The following GALM variants were observed in gnomAD, a reference collection of about 807,000 sequenced individuals.
GALM encodes galactose mutarotase.
In GALM, 43 loss-of-function variants were observed where a neutral mutation model predicts 37.4. The ratio of observed to expected loss-of-function variants is 1.15; its 90% CI spans 0.90 to 1.48. GALM has a LOEUF of 1.48. GALM is among the 40% of genes most tolerant of loss of function. GALM has a pLI of 0.00. For missense variants in GALM, 456 were observed against 419.1 expected, an observed-to-expected ratio of 1.09 and a Z score of -0.77; for synonymous variants, 199 against 170.6, an observed-to-expected ratio of 1.17 and a Z score of -1.30.
Position 38,733,586 on chromosome 2 carries a change from C to T in GALM, c.*21C>T. The T allele has an allele frequency of 2.5e-6, 4 of 1,579,634 alleles. No individual in the cohort carries two copies. Among genetic ancestry groups the T allele is most frequent in the African/African-American group, 1.3e-5 (1 of 74,306 alleles). On this transcript the variant is annotated 3_prime_UTR_variant, in exon 7 of 7. Coordinates refer to ENST00000272252, the MANE Select transcript of GALM (RefSeq NM_138801.3). ...CTTAAGGAAGTGTGAAGATATGATC[C>T]AGTCCAGGGCTAGGCTCAGCCACCT...
In GALM at chr2:38,666,340, C is replaced by T; in HGVS notation, c.179C>T (p.Ala60Val). Residue 60 changes from alanine (A) to valine (V), a missense_variant, in exon 1 of 7, where the codon GCC (alanine) becomes GTC (valine). Transcript: ENST00000272252. ...GRASDVVLGF[A>V]ELEGYLQKQP... ...GCCTCGGACGTGGTGCTTGGCTTCG[C>T]CGAGTTGGAAGGTGGGTTGAACTGT... The T allele has an allele frequency of 1.9e-6, 3 of 1,611,536 alleles. No individual in the cohort carries two copies. Among genetic ancestry groups the T allele is most frequent in the Non-Finnish European group, 2.5e-6 (3 of 1,178,660 alleles).
intron 4 of GALM, among the ~76,000 whole-genome samples, chr2:38,710,273 A>T (rs1666123369): frequency 6.6e-6 from 1 of 152,184 alleles, no homozygotes; most frequent in Non-Finnish European, 1.5e-5. Context: ...CCACACTTGG[A>T]GGAGCTATTT....
intron 5 of GALM, among the ~76,000 whole-genome samples, chr2:38,730,457 G>A (rs1161393173): frequency 6.6e-6 from 1 of 151,988 alleles, no homozygotes; most frequent in Non-Finnish European, 1.5e-5. Context: ...AGTAGAGATG[G>A]GGTTTCACAA....
At position 38,733,957 on chromosome 2, in the gene GALM, A is replaced by C; in HGVS notation, c.*392A>C. ...TTTATTTCCTCCTCCTTCACCTCCA[A>C]CCACTGTCAGCAGCACTCTGGAGTT... is the stretch of plus-strand genomic sequence containing the variant. On this transcript the variant is annotated 3_prime_UTR_variant, in exon 7 of 7. Coordinates refer to ENST00000272252, the MANE Select transcript of GALM (RefSeq NM_138801.3). 1 of 293,012 alleles carries C rather than the reference A, an allele frequency of 3.4e-6. No individual in the cohort carries two copies. The highest frequency in any genetic ancestry group is 6.7e-6 in the Non-Finnish European group (1 of 148,666). 18.2% of individuals were successfully genotyped at this position (293,012 alleles called of 1,614,324 possible). A position where few individuals can be genotyped will look rare whatever the true frequency, so the allele number is the denominator to read the frequency against.
intron 4 of GALM, 80 bp from the exon 5 acceptor site, chr2:38,729,476 C>A: frequency 7.9e-7 from 1 of 1,273,518 alleles, no homozygotes; most frequent in Non-Finnish European, 1.1e-6. Flanking sequence ...GAGAGTAGAA[C>A]CAGTGAGCCT....
Position 38,699,963 on chromosome 2 carries a change from G to GT in GALM, c.634+10076dup, listed in dbSNP as rs1472477103. Among the ~76,000 whole-genome samples, 9 of 151,898 alleles carry GT rather than the reference G, an allele frequency of 5.9e-5. No individual in the cohort carries two copies. In the East Asian group the frequency reaches 1.6e-3, roughly 26 times the overall value. On this transcript the variant is annotated intron_variant, in intron 4 of 6. Coordinates refer to ENST00000272252, the MANE Select transcript of GALM (RefSeq NM_138801.3). Reference sequence around the variant, plus strand: ...GTTAGTCTAAAATGCAGGGTTTTTTGTTTTTTTGAGAGAGTCTCACTCTGT... The same window carrying GT: ...GTTAGTCTAAAATGCAGGGTTTTTTGTTTTTTTTGAGAGAGTCTCACTCTGT...
At chr2:38,717,573 T>C (rs1424223232) in intron 4 of GALM, among the ~76,000 whole-genome samples, 2 of 151,904 alleles carry the variant, frequency 1.3e-5, no homozygotes, top group Non-Finnish European at 2.9e-5. Flanking sequence ...TAATTTTTTG[T>C]ATTTTTAGCA....
At chr2:38,732,958 C>T (rs1242469676) in intron 6 of GALM, among the ~76,000 whole-genome samples, 1 of 148,992 alleles carries the variant, frequency 6.7e-6, no homozygotes, top group Non-Finnish European at 1.5e-5. Flanking sequence ...CGGTGGCTCA[C>T]ACCTGTAATC....
chr2:38,684,685 C>T (rs1193071324), intron 3 of GALM, among the ~76,000 whole-genome samples: 1 of 152,030 alleles, frequency 6.6e-6, no homozygotes, highest in Non-Finnish European at 1.5e-5. Flanking sequence ...TAGATGCCTG[C>T]AATCCCAGCT....
intron 1 of GALM, among the ~76,000 whole-genome samples, chr2:38,671,969 G>C (rs1665115925): frequency 6.6e-6 from 1 of 151,858 alleles, no homozygotes; most frequent in South Asian, 2.1e-4. Flanking sequence ...CTAGGTGACA[G>C]AGAAAGACCC....
intron 1 of GALM, chr2:38,668,901 G>T (rs188380248): frequency 2.0e-5 from 3 of 152,094 alleles, no homozygotes; most frequent in Non-Finnish European, 4.4e-5. Context: ...AGATCTGAGC[G>T]TGGATAATTC....
At chr2:38,674,664 T>G (rs982587924) in intron 1 of GALM, among the ~76,000 whole-genome samples, 2 of 152,158 alleles carry the variant, frequency 1.3e-5, no homozygotes, top group African/African-American at 4.8e-5. Flanking sequence ...GATATTTTAA[T>G]GTACTAATTA....
intron 4 of GALM, among the ~76,000 whole-genome samples, chr2:38,718,293 A>C (rs1456444639): frequency 7.0e-6 from 1 of 143,146 alleles, no homozygotes; most frequent in Non-Finnish European, 1.5e-5. Flanking sequence ...TCTGCTTCCC[A>C]GGTTCAAGTG....
At chr2:38,717,378 G>C (rs1342197186) in intron 4 of GALM, among the ~76,000 whole-genome samples, 1 of 151,362 alleles carries the variant, frequency 6.6e-6, no homozygotes, top group Non-Finnish European at 1.5e-5. Flanking sequence ...CACACACTAT[G>C]TGCCAGGTAA....
intron 4 of GALM, among the ~76,000 whole-genome samples, chr2:38,714,263 G>A (rs1176097640): frequency 1.3e-5 from 2 of 152,020 alleles, no homozygotes; most frequent in Non-Finnish European, 2.9e-5. Context: ...TGCCCAGGCG[G>A]GAGTGCAGTG....
intron 4 of GALM, chr2:38,698,526 A>G (rs1665856184): frequency 4.9e-6 from 3 of 615,376 alleles, no homozygotes; most frequent in Non-Finnish European, 4.9e-6. Flanking sequence ...AAAAAAAAAA[A>G]GGAAAAAAAT....
Position 38,733,702 on chromosome 2 carries a change from C to A in GALM, c.*137C>A, listed in dbSNP as rs1310058822. ...TACAAATGGTGGCTGTTCTGAGAAT[C>A]AGTCTGGGTATTGATTTCCTTTTCC... On this transcript the variant is annotated 3_prime_UTR_variant, in exon 7 of 7. Coordinates refer to ENST00000272252, the MANE Select transcript of GALM (RefSeq NM_138801.3). 1 of 718,622 alleles carries A rather than the reference C, an allele frequency of 1.4e-6. No individual in the cohort carries two copies. Among genetic ancestry groups the A allele is most frequent in the Non-Finnish European group, 2.5e-6 (1 of 399,764 alleles). 44.5% of individuals were successfully genotyped at this position (718,622 alleles called of 1,614,324 possible).
chr2:38,681,046 T>C (rs921693887), intron 2 of GALM, among the ~76,000 whole-genome samples: 15 of 151,956 alleles, frequency 9.9e-5, no homozygotes, highest in African/African-American at 3.6e-4. Flanking sequence ...GCTTGAGAAT[T>C]GCTTGAACCT....
chr2:38,697,949 G>A (rs1468614760), intron 4 of GALM, among the ~76,000 whole-genome samples: 3 of 151,574 alleles, frequency 2.0e-5, no homozygotes, highest in Non-Finnish European at 4.4e-5. Context: ...TGGGTTTTGG[G>A]GTTTTTTTTT....
Sources: allele counts gnomAD v4.1 joint callset (sites outside exome capture counted in the v4.1 genomes callset), GRCh38; gene constraint gnomAD v4.1.1; transcripts MANE v1.5; gene names NCBI Gene and HGNC (gene_info 2026-07-23, HGNC 2026-07-21).